The following SH3PXD2B variants were observed in gnomAD, a reference collection of about 807,000 sequenced individuals.
The protein encoded by SH3PXD2B is SH3 and PX domain-containing protein 2B.
A neutral mutation model predicts 73.1 loss-of-function variants in SH3PXD2B; 37 were observed. The ratio of observed to expected loss-of-function variants is 0.51; its 90% CI spans 0.39 to 0.67. SH3PXD2B has a LOEUF of 0.67. Ranked by LOEUF, SH3PXD2B falls within the 30% of genes least tolerant of loss-of-function variation. The pLI, the probability that SH3PXD2B is intolerant of heterozygous loss-of-function variation, is 0.00. For synonymous variants in SH3PXD2B, 457 were observed against 480.5 expected (o/e 0.95, Z 0.64); for missense variants, 1,053 against 1,197.8 (o/e 0.88, Z 1.78).
Position 172,421,419 on chromosome 5 carries a change from C to A in SH3PXD2B, c.156+997G>T, listed in dbSNP as rs1418632032. Among the ~76,000 whole-genome samples the A allele has an allele frequency of 3.9e-5, 6 of 152,210 alleles. No homozygotes were observed. The South Asian group carries it at 1.2e-3, about 32-fold the overall frequency. ...TTCATTCATTCATTCATTCACCAAA[C>A]ACTGACTGGACATATACTGTGTGTT... is the stretch of plus-strand genomic sequence containing the variant. On this transcript the variant is annotated intron_variant, in intron 2 of 12. Transcript: ENST00000311601. The surrounding 1 kb of genome is among the most constrained non-coding windows in gnomAD (Gnocchi z 4.0).
At chr5:172,447,643 C>A (rs1464701970) in intron 1 of SH3PXD2B, among the ~76,000 whole-genome samples, 1 of 152,216 alleles carries the variant, frequency 6.6e-6, no homozygotes, top group Non-Finnish European at 1.5e-5. Context: ...TGGTAGGTGG[C>A]AGAGCAGGGA....
chr5:172,388,765 T>C (rs1318650223), intron 4 of SH3PXD2B, among the ~76,000 whole-genome samples: 1 of 152,240 alleles, frequency 6.6e-6, no homozygotes, highest in African/African-American at 2.4e-5. Flanking sequence ...GGGGAAGTTA[T>C]GAACTGGAAC....
chr5:172,405,147 G>C lies in SH3PXD2B; in HGVS notation c.232+1130C>G, dbSNP rs186371076. On this transcript the variant is annotated intron_variant, in intron 3 of 12. Transcript: ENST00000311601. ...GTATTCTTTGGTAAGAATTTGGAGG[G>C]ATGGAGACTGACTGCCTTGGGAACA... Among the ~76,000 whole-genome samples the C allele has an allele frequency of 3.9e-5, 6 of 152,382 alleles. No homozygotes were observed. The East Asian group carries it at 5.8e-4, about 15-fold the overall frequency.
chr5:172,373,714 G>A, intron 6 of SH3PXD2B, 76 bp downstream of exon 6: 1 of 1,493,656 alleles, frequency 6.7e-7, no homozygotes, highest in Non-Finnish European at 9.2e-7. Flanking sequence ...GGAACCCAGA[G>A]CCTGGTGCAC....
chr5:172,355,015 C>G (rs770331902), intron 8 of SH3PXD2B, among the ~76,000 whole-genome samples: 1 of 152,192 alleles, frequency 6.6e-6, no homozygotes, highest in Non-Finnish European at 1.5e-5. Flanking sequence ...GTGTTATCTG[C>G]TCTGGCAGCT....
intron 3 of SH3PXD2B, among the ~76,000 whole-genome samples, chr5:172,397,907 A>T (rs1204365173): frequency 6.6e-6 from 1 of 152,222 alleles, no homozygotes; most frequent in Non-Finnish European, 1.5e-5. Context: ...TGTAAAAGAA[A>T]ACAGGGCGGG....
Position 172,325,331 on chromosome 5 carries a change from C to G in SH3PXD2B, c.1238G>C (p.Arg413Thr), listed in dbSNP as rs1312598087. ...CCCAAGTGCTGTCCGCATCTTGATTCTTCTAAGAGGGACTTCCACAGGGCT... is the reference window on the plus strand; with the variant it reads ...CCCAAGTGCTGTCCGCATCTTGATTGTTCTAAGAGGGACTTCCACAGGGCT... Residue 413 changes from arginine (R) to threonine (T), a missense_variant, in exon 13 of 13, where the codon AGA (arginine) becomes ACA (threonine). Arg to Thr is a moderately conservative substitution (Grantham distance 71). Coordinates refer to the SH3PXD2B transcript ENST00000519643. 5 of 1,535,458 alleles carry G rather than the reference C, an allele frequency of 3.3e-6. No homozygotes were observed. In the African/African-American group the frequency reaches 6.8e-5, roughly 21 times the overall value.
At chr5:172,370,600 GTCCAAGACTACAATC>G (rs1293815418) in intron 6 of SH3PXD2B, among the ~76,000 whole-genome samples, 1 of 152,184 alleles carries the variant, frequency 6.6e-6, no homozygotes, top group East Asian at 1.9e-4. Flanking sequence ...CTGGGGCCAG[GTCCAAGACTACAATC>G]TCCTTGCTGT....
intron 1 of SH3PXD2B, among the ~76,000 whole-genome samples, chr5:172,440,788 C>T (rs1759537001): frequency 6.6e-6 from 1 of 152,198 alleles, no homozygotes; most frequent in African/African-American, 2.4e-5. Context: ...GTGGAAGCGA[C>T]AGACTCTGAA....
intron 3 of SH3PXD2B, among the ~76,000 whole-genome samples, chr5:172,404,297 AAAAG>A (rs1317976930): frequency 1.3e-5 from 2 of 151,682 alleles, no homozygotes; most frequent in African/African-American, 4.8e-5. Flanking sequence ...CTTTGCTGAA[AAAAG>A]ATATATATAT....
intron 2 of SH3PXD2B, among the ~76,000 whole-genome samples, chr5:172,409,360 C>A (rs1758637011): frequency 1.3e-5 from 2 of 152,230 alleles, no homozygotes; most frequent in South Asian, 4.1e-4. Context: ...ACAGCCTGGA[C>A]AACAAGAGCA....
intron 3 of SH3PXD2B, among the ~76,000 whole-genome samples, chr5:172,404,457 A>G (rs1327822383): frequency 6.6e-6 from 1 of 152,054 alleles, no homozygotes; most frequent in Non-Finnish European, 1.5e-5. Flanking sequence ...ACGCCCAGCT[A>G]ATTTTTATAT....
At chr5:172,432,489 G>A (rs758491664) in intron 1 of SH3PXD2B, among the ~76,000 whole-genome samples, 4 of 152,284 alleles carry the variant, frequency 2.6e-5, no homozygotes, top group Non-Finnish European at 4.4e-5. Context: ...GAACGTGCAC[G>A]TTGGGTGACG....
intron 3 of SH3PXD2B, among the ~76,000 whole-genome samples, chr5:172,396,002 T>C (rs1439643942): frequency 6.6e-6 from 1 of 151,922 alleles, no homozygotes; most frequent in Non-Finnish European, 1.5e-5. Context: ...CGGTTTCTGG[T>C]GAGATGGCTA....
chr5:172,355,810 C>CT (rs1436345636), intron 8 of SH3PXD2B, among the ~76,000 whole-genome samples: 1 of 152,134 alleles, frequency 6.6e-6, no homozygotes, highest in African/African-American at 2.4e-5. Context: ...TCCCAACGTG[C>CT]TGGGACTATA....
downstream of SH3PXD2B, among the ~76,000 whole-genome samples, chr5:172,329,083 A>ATTTT (rs1164155218): frequency 0.063 from 3,909 of 61,644 alleles, 347 homozygotes; most frequent in Non-Finnish European, 0.078. Context: ...ATATATATAT[A>ATTTT]TTTTTTTTTT....
Position 172,350,525 on chromosome 5 carries a change from G to T in SH3PXD2B, c.850C>A (p.Pro284Thr), listed in dbSNP as rs1757137719. 6.2e-7 allele frequency: 1 copy of T among 1,613,922 alleles called. No homozygotes were observed. Among genetic ancestry groups the T allele is most frequent in the African/African-American group, 1.3e-5 (1 of 74,944 alleles). ...YLKKNSGEPL[P>T]PKPGPGSPSH... Reference sequence around the variant, plus strand: ...GGTGAGCCAGGGCCTGGCTTCGGGGGCAAGGGCTCCCCACTGTTCTTCTTT... The same window carrying T: ...GGTGAGCCAGGGCCTGGCTTCGGGGTCAAGGGCTCCCCACTGTTCTTCTTT... The change falls in exon 10 of 13, where the codon CCC becomes ACC. Residue 284 changes from proline to threonine, a missense_variant. Physicochemically the swap from Pro to Thr is conservative, Grantham distance 38 (BLOSUM62 -1). Coordinates refer to ENST00000311601, the MANE Select transcript of SH3PXD2B (RefSeq NM_001017995.3).
intron 12 of SH3PXD2B, among the ~76,000 whole-genome samples, chr5:172,342,298 C>G (rs969375852): frequency 6.6e-6 from 1 of 152,284 alleles, no homozygotes; most frequent in Admixed American, 6.5e-5. Flanking sequence ...ATCTGATGAA[C>G]GCTCATGACA....
At chr5:172,329,043 GTA>G (rs1284820399), downstream of SH3PXD2B, among the ~76,000 whole-genome samples, 1 of 125,354 alleles carries the variant, frequency 8.0e-6, no homozygotes, top group African/African-American at 3.2e-5. Flanking sequence ...GTATATATAT[GTA>G]TGTGTGTGTG....
Sources: allele counts gnomAD v4.1 joint callset (sites outside exome capture counted in the v4.1 genomes callset), GRCh38; gene constraint gnomAD v4.1.1; non-coding constraint Gnocchi (gnomAD v3.1); transcripts MANE v1.5; gene names NCBI Gene and HGNC (gene_info 2026-07-23, HGNC 2026-07-21).